RTCB: variants seen among roughly 807,000 people sequenced by gnomAD.
The protein encoded by RTCB is RNA 2',3'-cyclic phosphate and 5'-OH ligase, also known as RNA-splicing ligase RTCB.
Under a neutral mutation model 58.2 loss-of-function variants are expected in RTCB, and 32 were observed. That is an observed-to-expected ratio of 0.55 (90% CI 0.41 to 0.74). RTCB has a LOEUF of 0.74. Ranked by LOEUF, RTCB falls within the 30% of genes least tolerant of loss-of-function variation. The pLI, the probability that RTCB is intolerant of heterozygous loss-of-function variation, is 0.00. For synonymous variants in RTCB, 247 were observed against 218.6 expected (o/e 1.13, Z -1.15); for missense variants, 523 against 639.0 (o/e 0.82, Z 1.96).
intron 11 of RTCB, among the ~76,000 whole-genome samples, chr22:32,389,455 A>G (rs1319167231): frequency 5.3e-5 from 8 of 152,330 alleles, no homozygotes; most frequent in African/African-American, 1.7e-4. Flanking sequence ...CACTGAGACT[A>G]CAGGCATGTG....
chr22:32,388,030 C>T lies in RTCB; in HGVS notation c.1480G>A (p.Ala494Thr). The T allele has an allele frequency of 6.2e-7, 1 of 1,614,114 alleles. No homozygotes were observed. Among genetic ancestry groups the T allele is most frequent in the Admixed American group, 1.7e-5 (1 of 60,030 alleles). ...TCHDAGISKK[A>T]IKLRPIAVIK... is the part of the protein sequence containing the mutation. ...ACAGCAATTGGTCTCAGTTTAATGG[C>T]TTTCTTGCTGATTCCAGCATCATGG... The change falls in exon 12 of 12, where the codon GCC becomes ACC. Residue 494 changes from alanine to threonine, a missense_variant. Transcript: ENST00000216038.
intron 4 of RTCB, among the ~76,000 whole-genome samples, chr22:32,403,262 C>T (rs775206352): frequency 1.1e-4 from 17 of 151,956 alleles, no homozygotes; most frequent in African/African-American, 3.4e-4. Flanking sequence ...AAAAAATTAG[C>T]GGGGTATGGT....
chr22:32,395,552 T>C (rs1933231375), intron 8 of RTCB, among the ~76,000 whole-genome samples: 1 of 152,214 alleles, frequency 6.6e-6, no homozygotes, highest in Admixed American at 6.5e-5. Context: ...ATAATTTTGA[T>C]TCTCTGCTCT....
At chr22:32,406,901 A>G in intron 3 of RTCB, 140 bp from the exon 4 acceptor site, 1 of 572,876 alleles carries the variant, frequency 1.7e-6, no homozygotes, top group South Asian at 2.0e-5. Flanking sequence ...AAAATCTTCT[A>G]TATGCATGGA....
rs149039239 is a variant in RTCB at position 32,409,496 on chromosome 22, A to G, written c.94-663T>C. On this transcript the variant is annotated intron_variant, in intron 1 of 11. Transcript: ENST00000216038. ...ATGGACGACATACTTATGTAACACT[A>G]AAGAGCAGAACATTTTTATCACAGG... Among the ~76,000 whole-genome samples the G allele has an allele frequency of 3.4e-3, 518 of 152,358 alleles. 2 individuals are homozygous for G. The highest frequency in any genetic ancestry group is 9.0e-3 in the Admixed American group (138 of 15,300).
Position 32,412,237 on chromosome 22 carries a change from C to T in RTCB, c.-81G>A. ...GTAGTCCGGCTTCTCAGAGCACCGC[C>T]TTCCAAGAACCAAAGCGCAGGCGCG... On this transcript the variant is annotated 5_prime_UTR_variant, in exon 1 of 12. Coordinates refer to ENST00000216038, the MANE Select transcript of RTCB (RefSeq NM_014306.5). 5 of 1,220,432 alleles carry T rather than the reference C, an allele frequency of 4.1e-6. No homozygotes were observed. The highest frequency in any genetic ancestry group is 2.4e-5 in the East Asian group (1 of 41,798). 75.6% of individuals were successfully genotyped at this position (1,220,432 alleles called of 1,614,324 possible).
intron 1 of RTCB, among the ~76,000 whole-genome samples, chr22:32,410,706 GTTTTCT>G (rs1257747355): frequency 7.0e-6 from 1 of 143,364 alleles, no homozygotes; most frequent in African/African-American, 2.6e-5. Flanking sequence ...ATGTCATGGT[GTTTTCT>G]TTTTCTTTTC....
Position 32,396,265 on chromosome 22 carries a change from CA to C in RTCB, c.815-17del. ...ACCAGCGCATCTGGAACAAGAGCCA[CA>C]AAGTCCAAACCAGTTAGCTTTCCCT... On this transcript the variant is annotated splice_polypyrimidine_tract_variant and intron_variant, in intron 7 of 11. Transcript: ENST00000216038. The C allele has an allele frequency of 6.2e-7, 1 of 1,613,166 alleles. No individual in the cohort carries two copies. The highest frequency in any genetic ancestry group is 8.5e-7 in the Non-Finnish European group (1 of 1,179,484).
At chr22:32,408,619 G>C in intron 2 of RTCB, 136 bp downstream of exon 2, 1 of 674,484 alleles carries the variant, frequency 1.5e-6, no homozygotes, top group Non-Finnish European at 2.6e-6. Context: ...AAATAAGTAA[G>C]TGCTTTTGGT....
chr22:32,387,909 G>A lies in RTCB; in HGVS notation c.*83C>T. ...CACACTTTGCAACTTGTCCCGCCTTGAGTCTGATGTCAGAAGAGCATGTCA... is the reference window on the plus strand; with the variant it reads ...CACACTTTGCAACTTGTCCCGCCTTAAGTCTGATGTCAGAAGAGCATGTCA... On this transcript the variant is annotated 3_prime_UTR_variant, in exon 12 of 12. Transcript: ENST00000216038. 3 of 917,688 alleles carry A rather than the reference G, an allele frequency of 3.3e-6. No individual in the cohort carries two copies. Among genetic ancestry groups the A allele is most frequent in the South Asian group, 2.8e-5 (2 of 71,302 alleles). 56.8% of individuals were successfully genotyped at this position (917,688 alleles called of 1,614,324 possible). A position where few individuals can be genotyped will look rare whatever the true frequency, so the allele number is the denominator to read the frequency against.
intron 9 of RTCB, among the ~76,000 whole-genome samples, 172 bp downstream of exon 9, chr22:32,394,854 A>G (rs1490255386): frequency 6.6e-6 from 1 of 152,186 alleles, no homozygotes; most frequent in Non-Finnish European, 1.5e-5. Flanking sequence ...CGCAAGCACA[A>G]ATGATGGGGG....
chr22:32,390,676 C>T (rs1027570463), intron 11 of RTCB, among the ~76,000 whole-genome samples: 1 of 152,134 alleles, frequency 6.6e-6, no homozygotes, highest in African/African-American at 2.4e-5. Context: ...TCTTGATCTC[C>T]TCACCTTGTG....
intron 7 of RTCB, 36 bp from the exon 8 acceptor site, chr22:32,396,285 T>C (rs1933245034): frequency 6.2e-7 from 1 of 1,604,910 alleles, no homozygotes; most frequent in Admixed American, 1.7e-5. Flanking sequence ...ACCAGTTAGC[T>C]TTCCCTTAAA....
In RTCB at chr22:32,412,191, G is replaced by T. The variant is rs776140875; in HGVS notation, c.-35C>A. The T allele has an allele frequency of 6.6e-7, 1 of 1,506,366 alleles. No homozygotes were observed. Among genetic ancestry groups the T allele is most frequent in the Non-Finnish European group, 9.0e-7 (1 of 1,105,550 alleles). The allele number at this position is 1,506,366 out of a possible 1,614,324, so 93.3% of individuals were successfully genotyped here. A position where few individuals can be genotyped will look rare whatever the true frequency, so the allele number is the denominator to read the frequency against. On this transcript the variant is annotated 5_prime_UTR_variant, in exon 1 of 12. Transcript: ENST00000216038. The stretch of plus-strand genomic sequence containing the variant: ...AACTGTAGCAAAAACTCCCGGCTCC[G>T]CTTTGAAGAGCCGCTGCCGCGTAGT...
intron 4 of RTCB, among the ~76,000 whole-genome samples, chr22:32,403,626 C>A (rs972803956): frequency 6.6e-6 from 1 of 152,106 alleles, no homozygotes; most frequent in Non-Finnish European, 1.5e-5. Context: ...GTTGCCCAGG[C>A]TAGGTCATAG....
intron 3 of RTCB, chr22:32,407,467 T>C (rs1189868663): frequency 6.6e-6 from 1 of 152,546 alleles, no homozygotes; most frequent in Non-Finnish European, 1.5e-5. Context: ...TTCCTCCCCC[T>C]CAGTGCTAAC....
chr22:32,404,464 C>G (rs547722911), intron 4 of RTCB, among the ~76,000 whole-genome samples: 1 of 152,100 alleles, frequency 6.6e-6, no homozygotes, highest in African/African-American at 2.4e-5. Context: ...TAGAGTGCAG[C>G]GGTGTGATCA....
At chr22:32,403,759 C>T (rs1254690253) in intron 4 of RTCB, among the ~76,000 whole-genome samples, 1 of 152,110 alleles carries the variant, frequency 6.6e-6, no homozygotes, top group Non-Finnish European at 1.5e-5. Context: ...AAAAGTAATA[C>T]AATACAATAC....
At chr22:32,396,602 T>G (rs772184753) in intron 7 of RTCB, among the ~76,000 whole-genome samples, 17 of 152,242 alleles carry the variant, frequency 1.1e-4, no homozygotes, top group Non-Finnish European at 1.8e-4. Flanking sequence ...GTTGCCTTCA[T>G]GATTAATCAA....
Sources: gnomAD v4.1 joint callset for allele counts (sites outside exome capture counted in the v4.1 genomes callset) on GRCh38, gnomAD v4.1.1 for gene constraint, MANE v1.5 for transcripts, NCBI Gene and HGNC (gene_info 2026-07-23, HGNC 2026-07-21) for gene names.